Variants in CBX1 observed in about 807,000 individuals in gnomAD.
CBX1 encodes the protein chromobox 1, also known as chromobox protein homolog 1.
A neutral mutation model predicts 25.1 loss-of-function variants in CBX1; 10 were observed. The ratio of observed to expected loss-of-function variants is 0.40; its 90% confidence interval spans 0.25 to 0.68. The LOEUF (loss-of-function observed/expected upper bound fraction) is 0.68. Ranked by LOEUF, CBX1 falls within the 30% of genes least tolerant of loss-of-function variation. CBX1 has a pLI of 0.40. For synonymous variants in CBX1, 63 were observed against 79.4 expected (o/e 0.79, Z 1.10); for missense variants, 106 against 218.5 (o/e 0.49, Z 3.25).
chr17:48,075,179 T>A, intron 3 of CBX1, 79 bp from the exon 4 acceptor site: 1 of 944,138 alleles, frequency 1.1e-6, no homozygotes, highest in Non-Finnish European at 1.7e-6. Context: ...GTGTCTCTGA[T>A]TAATGTAATC....
rs200247402 is a variant in CBX1 at position 48,076,945 on chromosome 17, T to C, written c.60A>G (p.Glu20=). Residue 20 remains glutamate, a synonymous_variant, in exon 2 of 5, where the codon GAA becomes GAG. Transcript: ENST00000225603. ...VEEVLEEEEE[E]YVVEKVLDRR... Reference sequence around the variant, plus strand: ...GGTCGAGAACTTTTTCCACCACATATTCCTCTTCCTCCTCTTCTAGCACCT... The same window carrying C: ...GGTCGAGAACTTTTTCCACCACATACTCCTCTTCCTCCTCTTCTAGCACCT... The C allele has an allele frequency of 3.1e-6, 5 of 1,613,774 alleles. No individual in the cohort carries two copies. The South Asian group carries it at 4.4e-5, about 14-fold the overall frequency.
intron 1 of CBX1, among the ~76,000 whole-genome samples, chr17:48,089,034 A>C (rs1259496772): frequency 6.6e-6 from 1 of 152,068 alleles, no homozygotes; most frequent in Non-Finnish European, 1.5e-5. Context: ...CAAGGAATCC[A>C]GGAACAGCAT....
chr17:48,074,529 T>C (rs929943418), intron 4 of CBX1, among the ~76,000 whole-genome samples: 1 of 152,216 alleles, frequency 6.6e-6, no homozygotes, highest in Non-Finnish European at 1.5e-5. Context: ...TGACCCCTGC[T>C]GGCTGATCCT....
intron 1 of CBX1, among the ~76,000 whole-genome samples, chr17:48,093,374 T>A (rs1487024802): frequency 6.7e-6 from 1 of 149,574 alleles, no homozygotes; most frequent in Non-Finnish European, 1.5e-5. Flanking sequence ...GAGTCCGAAA[T>A]GGCAAGCATA....
At chr17:48,097,036 G>T (rs1322008515) in intron 1 of CBX1, among the ~76,000 whole-genome samples, 2 of 151,968 alleles carry the variant, frequency 1.3e-5, no homozygotes, top group Non-Finnish European at 2.9e-5. Context: ...GATCACCTGA[G>T]GTCAGGAGTT....
At chr17:48,091,453 A>AGAAC (rs2063343319) in intron 1 of CBX1, among the ~76,000 whole-genome samples, 1 of 149,972 alleles carries the variant, frequency 6.7e-6, no homozygotes, top group Non-Finnish European at 1.5e-5. Flanking sequence ...GGCTCACTTT[A>AGAAC]GAACTCCGCC....
intron 1 of CBX1, among the ~76,000 whole-genome samples, chr17:48,089,307 T>C (rs1416069162): frequency 6.6e-6 from 1 of 150,934 alleles, no homozygotes; most frequent in Non-Finnish European, 1.5e-5. Flanking sequence ...TTCACTGTGT[T>C]AGCCAGGATG....
intron 4 of CBX1, among the ~76,000 whole-genome samples, chr17:48,074,191 G>C (rs563253849): frequency 6.6e-6 from 1 of 152,176 alleles, no homozygotes; most frequent in East Asian, 1.9e-4. Context: ...AGTAAGTTCT[G>C]GACTGACAAA....
At position 48,091,744 on chromosome 17, in the gene CBX1, T is replaced by C. The variant is rs577833933; in HGVS notation, c.-38+9524A>G. Among the ~76,000 whole-genome samples, 8 of 151,890 alleles carry C rather than the reference T, an allele frequency of 5.3e-5. No homozygotes were observed. In the South Asian group the frequency reaches 1.5e-3, roughly 28 times the overall value. On this transcript the variant is annotated intron_variant, in intron 1 of 4. Coordinates refer to ENST00000225603, the MANE Select transcript of CBX1 (RefSeq NM_001127228.2). ...TTTTAGTAGAGACGGGGTTTTACCA[T>C]GTTGGCCAGGCTGGTCTCAAACTCC...
intron 1 of CBX1, among the ~76,000 whole-genome samples, chr17:48,099,925 G>A (rs916428879): frequency 2.0e-5 from 3 of 152,074 alleles, no homozygotes; most frequent in Non-Finnish European, 4.4e-5. Flanking sequence ...AGGATCACGA[G>A]GTCAGGAGTT....
chr17:48,074,302 A>G (rs1023818572), intron 4 of CBX1, among the ~76,000 whole-genome samples: 1 of 152,220 alleles, frequency 6.6e-6, no homozygotes, highest in African/African-American at 2.4e-5. Context: ...TATTCCTTCC[A>G]AATTTTAAAT....
chr17:48,100,605 A>C (rs975805100), intron 1 of CBX1: 6 of 520,370 alleles, frequency 1.2e-5, no homozygotes, highest in African/African-American at 6.2e-5. Context: ...TTTTTCTTAC[A>C]TACCTTATAG....
chr17:48,087,526 A>G (rs1406573487), intron 1 of CBX1, among the ~76,000 whole-genome samples: 1 of 151,910 alleles, frequency 6.6e-6, no homozygotes, highest in African/African-American at 2.4e-5. Context: ...GTAAGCCAAG[A>G]TCATGCCATT....
At chr17:48,100,321 G>A (rs1330223534) in intron 1 of CBX1, among the ~76,000 whole-genome samples, 2 of 151,958 alleles carry the variant, frequency 1.3e-5, no homozygotes, top group East Asian at 3.9e-4. Context: ...ACCTCACGCC[G>A]TTCCTCAACT....
chr17:48,086,292 T>A (rs1479274202), intron 1 of CBX1, among the ~76,000 whole-genome samples: 3 of 152,194 alleles, frequency 2.0e-5, no homozygotes, highest in Non-Finnish European at 4.4e-5. Flanking sequence ...GGCAGTAACA[T>A]AACAGACACA....
chr17:48,086,075 A>AAAAAC (rs996485939), intron 1 of CBX1, among the ~76,000 whole-genome samples: 1 of 152,178 alleles, frequency 6.6e-6, no homozygotes, highest in African/African-American at 2.4e-5. Context: ...TGTCTCAATA[A>AAAAAC]AAAACAAAAC....
chr17:48,097,868 G>A (rs1324144372), intron 1 of CBX1, among the ~76,000 whole-genome samples: 1 of 152,136 alleles, frequency 6.6e-6, no homozygotes, highest in Non-Finnish European at 1.5e-5. Context: ...AACAGACATT[G>A]CTACTGGTAA....
chr17:48,089,781 T>C (rs8072263), intron 1 of CBX1, among the ~76,000 whole-genome samples: 40,782 of 149,880 alleles, frequency 0.27, 6,255 homozygotes, highest in African/African-American at 0.42. Flanking sequence ...CGAGATCGTG[T>C]CACTGCACTC....
At chr17:48,079,689 C>T (rs2037713073) in intron 1 of CBX1, among the ~76,000 whole-genome samples, 1 of 151,942 alleles carries the variant, frequency 6.6e-6, no homozygotes, top group South Asian at 2.1e-4. Context: ...GAGACAAGTT[C>T]TCAATATGTT....
Sources: allele counts gnomAD v4.1 joint callset (sites outside exome capture counted in the v4.1 genomes callset), GRCh38; gene constraint gnomAD v4.1.1; transcripts MANE v1.5; gene names NCBI Gene and HGNC (gene_info 2026-07-23, HGNC 2026-07-21).